The following PPP2CB variants were observed in gnomAD, a reference collection of about 807,000 sequenced individuals.
The protein encoded by PPP2CB is protein phosphatase 2 catalytic subunit beta.
In PPP2CB, 18 loss-of-function variants were observed where a neutral mutation model predicts 39.1. The observed-to-expected ratio is 0.46, with a 90% CI of 0.32 to 0.68. The LOEUF (loss-of-function observed/expected upper bound fraction) is 0.68. Among genes scored for constraint, PPP2CB ranks in the 30% least tolerant of loss-of-function variants. The pLI, the probability that PPP2CB is intolerant of heterozygous loss-of-function variation, is 0.04. For missense variants in PPP2CB, 226 were observed against 396.9 expected, an observed-to-expected ratio of 0.57 and a Z score of 3.66; for synonymous variants, 129 against 133.8, an observed-to-expected ratio of 0.96 and a Z score of 0.25.
chr8:30,794,481 T>G, intron 3 of PPP2CB, 200 bp from the exon 4 acceptor site: 1 of 496,498 alleles, frequency 2.0e-6, no homozygotes. Flanking sequence ...TTCTTTTTTT[T>G]TTTTTCCCCT....
At chr8:30,789,029 G>GCC in intron 6 of PPP2CB, among the ~76,000 whole-genome samples, 1 of 150,890 alleles carries the variant, frequency 6.6e-6, no homozygotes, top group African/African-American at 2.4e-5. Flanking sequence ...AGCCCCTGTG[G>GCC]CCCTGCTCGG....
At chr8:30,793,765 G>GT in intron 5 of PPP2CB, 152 bp downstream of exon 5, 1 of 824,130 alleles carries the variant, frequency 1.2e-6, no homozygotes, top group Non-Finnish European at 1.8e-6. Context: ...TGGTCTACTA[G>GT]TGCTTTCCCT....
chr8:30,812,358 G>A lies in PPP2CB; in HGVS notation c.64C>T (p.Gln22Ter). Residue 22 changes from glutamine to a stop codon, truncating the protein, a stop_gained, in exon 1 of 7, where the codon CAG becomes TAG. Transcript: ENST00000221138. LOFTEE classifies it high-confidence loss of function. ...GTCCGCACTTGGTTCTCGTTCAGCTGCTTACACTCGTTCAGCTGCTCGACC... is the reference window on the plus strand; with the variant it reads ...GTCCGCACTTGGTTCTCGTTCAGCTACTTACACTCGTTCAGCTGCTCGACC... ...QWVEQLNECK[Q>*]LNENQVRTLC... The A allele has an allele frequency of 6.4e-7, 1 of 1,563,120 alleles. No individual in the cohort carries two copies. The highest frequency in any genetic ancestry group is 8.7e-7 in the Non-Finnish European group (1 of 1,151,894).
chr8:30,791,093 T>A (rs529840428), intron 6 of PPP2CB, 104 bp downstream of exon 6: 1 of 678,528 alleles, frequency 1.5e-6, no homozygotes, highest in East Asian at 3.1e-5. Context: ...GGAGAGGGGC[T>A]TTGCTATACT....
At chr8:30,790,772 T>C (rs1455490435) in intron 6 of PPP2CB, among the ~76,000 whole-genome samples, 1 of 152,202 alleles carries the variant, frequency 6.6e-6, no homozygotes, top group Non-Finnish European at 1.5e-5. Flanking sequence ...TATGCTGGCA[T>C]CTGATCTCTG....
intron 3 of PPP2CB, 189 bp from the exon 4 acceptor site, chr8:30,794,470 TTTC>T (rs1806487172): frequency 7.8e-6 from 4 of 515,792 alleles, no homozygotes; most frequent in Non-Finnish European, 1.3e-5. Context: ...CACCATTAAA[TTTC>T]TTTTTTTTTT....
At chr8:30,806,950 T>C (rs1806736257) in intron 1 of PPP2CB, among the ~76,000 whole-genome samples, 1 of 152,214 alleles carries the variant, frequency 6.6e-6, no homozygotes, top group South Asian at 2.1e-4. Flanking sequence ...ACACGTCATA[T>C]ATAAAGTAGA....
At chr8:30,790,810 G>A (rs934742650) in intron 6 of PPP2CB, among the ~76,000 whole-genome samples, 2 of 152,168 alleles carry the variant, frequency 1.3e-5, no homozygotes, top group Non-Finnish European at 2.9e-5. Context: ...CCAGCCCTGG[G>A]AGCTGATGAA....
At chr8:30,806,077 TC>T (rs1806719936) in intron 1 of PPP2CB, among the ~76,000 whole-genome samples, 2 of 148,180 alleles carry the variant, frequency 1.3e-5, no homozygotes, top group South Asian at 4.3e-4. Flanking sequence ...AGATGGAGTC[TC>T]CCTCTGTCAC....
At chr8:30,805,542 A>C (rs934103894) in intron 1 of PPP2CB, among the ~76,000 whole-genome samples, 2 of 152,084 alleles carry the variant, frequency 1.3e-5, no homozygotes, top group Non-Finnish European at 2.9e-5. Context: ...CCTGGATGAC[A>C]GAGAGAGAGA....
At chr8:30,791,493 A>G (rs1159364539) in intron 5 of PPP2CB, 178 bp from the exon 6 acceptor site, 2 of 536,504 alleles carry the variant, frequency 3.7e-6, no homozygotes, top group East Asian at 6.8e-5. Flanking sequence ...ATACTGTGCA[A>G]TTCGTGGGCC....
Position 30,812,343 on chromosome 8 carries a change from G to A in PPP2CB, c.79C>T (p.Gln27Ter). Residue 27 changes from glutamine to a stop codon, truncating the protein, a stop_gained, in exon 1 of 7, where the codon CAA becomes TAA. Transcript: ENST00000221138. LOFTEE classifies it high-confidence loss of function. ...ACCTTCTCGCACAGCGTCCGCACTT[G>A]GTTCTCGTTCAGCTGCTTACACTCG... ...LNECKQLNEN[Q>*]VRTLCEKAKE... 6.5e-7 allele frequency: 1 copy of A among 1,549,512 alleles called. No individual in the cohort carries two copies. Among genetic ancestry groups the A allele is most frequent in the South Asian group, 1.2e-5 (1 of 85,752 alleles).
rs1181606472 is a variant in PPP2CB, at chr8:30,812,483, A to ACCCGCC, written c.-68_-63dup. The ACCCGCC allele has an allele frequency of 3.4e-6, 3 of 876,934 alleles. No homozygotes were observed. Among genetic ancestry groups the ACCCGCC allele is most frequent in the African/African-American group, 3.1e-5 (1 of 32,174 alleles). 54.3% of individuals were successfully genotyped at this position (876,934 alleles called of 1,614,324 possible). A position where few individuals can be genotyped will look rare whatever the true frequency, so the allele number is the denominator to read the frequency against. On this transcript the variant is annotated 5_prime_UTR_variant, in exon 1 of 7. Transcript: ENST00000221138. ...CCGGCCGCCGCCCTCCCCCCTCCCC[A>ACCCGCC]CCCGCCCCCGGCCCCGGCCCGGGCG...
intron 1 of PPP2CB, among the ~76,000 whole-genome samples, chr8:30,810,613 T>G (rs1038986837): frequency 1.3e-5 from 2 of 152,210 alleles, no homozygotes; most frequent in African/African-American, 4.8e-5. Context: ...TGGAGAGAGA[T>G]GTTTAAGGCA....
chr8:30,809,759 G>C (rs1042760492), intron 1 of PPP2CB, among the ~76,000 whole-genome samples: 1 of 152,016 alleles, frequency 6.6e-6, no homozygotes, highest in Admixed American at 6.6e-5. Flanking sequence ...TGGGCAACAC[G>C]GTGAGACCCC....
rs532580927 is a variant in PPP2CB, at chr8:30,785,966, G to C, written c.*269C>G. 1.2e-5 allele frequency: 7 copies of C among 585,958 alleles called. No individual in the cohort carries two copies. The highest frequency in any genetic ancestry group is 9.2e-5 in the African/African-American group (5 of 54,228). 36.3% of individuals were successfully genotyped at this position (585,958 alleles called of 1,614,324 possible). On this transcript the variant is annotated 3_prime_UTR_variant, in exon 7 of 7. Transcript: ENST00000221138. ...AAGCAGTTAGTTACCTTTTTTGCTTGAACAGTCCAAAGGAAAATGGTTACT... is the reference window on the plus strand; with the variant it reads ...AAGCAGTTAGTTACCTTTTTTGCTTCAACAGTCCAAAGGAAAATGGTTACT...
rs1015746883 is a variant in PPP2CB at position 30,812,636 on chromosome 8, G to A, written c.-215C>T. 1.8e-5 allele frequency: 7 copies of A among 382,460 alleles called. No individual in the cohort carries two copies. Among genetic ancestry groups the A allele is most frequent in the Non-Finnish European group, 3.3e-5 (7 of 213,958 alleles). The allele number at this position is 382,460 out of a possible 1,614,324, so 23.7% of individuals were successfully genotyped here. ...GGCTCCGAGCGCGCAGCCTGGAGGA[G>A]ACCCCCGCCCGCCCTTCCCCGCCCG... On this transcript the variant is annotated 5_prime_UTR_variant, in exon 1 of 7. Coordinates refer to ENST00000221138, the MANE Select transcript of PPP2CB (RefSeq NM_001009552.2).
Position 30,797,774 on chromosome 8 carries a change from A to G in PPP2CB, c.313-20T>C, listed in dbSNP as rs763259809. On this transcript the variant is annotated intron_variant, in intron 2 of 6. Coordinates refer to ENST00000221138, the MANE Select transcript of PPP2CB (RefSeq NM_001009552.2). ...ACGCACCTGGAAGAAAAGGAGTAAA[A>G]CCCATAGTAAAATCACATTTTTACT... 6.2e-7 allele frequency: 1 copy of G among 1,605,776 alleles called. No individual in the cohort carries two copies. Among genetic ancestry groups the G allele is most frequent in the Non-Finnish European group, 8.5e-7 (1 of 1,177,240 alleles).
At chr8:30,811,444 A>G (rs1387772049) in intron 1 of PPP2CB, among the ~76,000 whole-genome samples, 1 of 151,704 alleles carries the variant, frequency 6.6e-6, no homozygotes, top group Non-Finnish European at 1.5e-5. Context: ...TTTAAAAATC[A>G]CAGTTGGCCA....
Sources: allele counts gnomAD v4.1 joint callset (sites outside exome capture counted in the v4.1 genomes callset), GRCh38; gene constraint gnomAD v4.1.1; transcripts MANE v1.5; gene names NCBI Gene and HGNC (gene_info 2026-07-23, HGNC 2026-07-21).